The following ZBTB16 variants were observed in gnomAD, a reference collection of about 807,000 sequenced individuals.
ZBTB16 encodes the protein zinc finger and BTB domain containing 16.
A neutral mutation model predicts 56.8 loss-of-function variants in ZBTB16; 8 were observed. The observed-to-expected ratio is 0.14, with a 90% CI of 0.08 to 0.25. The LOEUF (loss-of-function observed/expected upper bound fraction) is 0.25. Among genes scored for constraint, ZBTB16 ranks in the 10% least tolerant of loss-of-function variants. The pLI, the probability that ZBTB16 is intolerant of heterozygous loss-of-function variation, is 1.00. For synonymous variants in ZBTB16, 363 were observed against 368.5 expected, an observed-to-expected ratio of 0.98 and a Z score of 0.17; for missense variants, 625 against 903.0, an observed-to-expected ratio of 0.69 and a Z score of 3.95.
chr11:114,068,244 G>T (rs897689), intron 2 of ZBTB16, among the ~76,000 whole-genome samples: 10 of 151,898 alleles, frequency 6.6e-5, no homozygotes, highest in African/African-American at 1.9e-4. Flanking sequence ...TTCTTGGGGT[G>T]GGGGGGCAGA....
intron 2 of ZBTB16, among the ~76,000 whole-genome samples, chr11:114,074,034 T>A (rs574098658): frequency 9.6e-4 from 146 of 152,342 alleles, no homozygotes; most frequent in Middle Eastern, 6.8e-3. Flanking sequence ...ACTTCACCTC[T>A]GTGAAGCAGC....
chr11:114,249,238 C>A (rs573765530), intron 6 of ZBTB16, among the ~76,000 whole-genome samples: 13 of 151,978 alleles, frequency 8.6e-5, no homozygotes, highest in African/African-American at 3.1e-4. Flanking sequence ...GCAGGCAGAT[C>A]ACTTGAAGTC....
At chr11:114,179,582 A>G (rs1842916850) in intron 3 of ZBTB16, among the ~76,000 whole-genome samples, 1 of 152,212 alleles carries the variant, frequency 6.6e-6, no homozygotes, top group Admixed American at 6.5e-5. Context: ...TAAAATCTCA[A>G]GGAATTTTGA....
chr11:114,091,358 AAAC>A (rs1015492093), intron 2 of ZBTB16, among the ~76,000 whole-genome samples: 2 of 151,908 alleles, frequency 1.3e-5, no homozygotes, highest in African/African-American at 4.8e-5. Flanking sequence ...AAACAAAACA[AAAC>A]AACAACAAAA....
chr11:114,157,450 C>T (rs958079764), intron 3 of ZBTB16, among the ~76,000 whole-genome samples: 4 of 152,158 alleles, frequency 2.6e-5, no homozygotes, highest in Non-Finnish European at 4.4e-5. Flanking sequence ...GTAGTAAGCC[C>T]CTGGCATACA....
At chr11:114,185,351 A>C (rs1313651879) in intron 3 of ZBTB16, among the ~76,000 whole-genome samples, 1 of 152,250 alleles carries the variant, frequency 6.6e-6, no homozygotes, top group Non-Finnish European at 1.5e-5. Context: ...TGGGATTCGA[A>C]CAGATGGAAG....
intron 4 of ZBTB16, among the ~76,000 whole-genome samples, chr11:114,226,141 A>C (rs901692987): frequency 6.6e-6 from 1 of 152,202 alleles, no homozygotes; most frequent in Non-Finnish European, 1.5e-5. Flanking sequence ...ATTCCTATAC[A>C]GAATTGGGAC....
rs188721965 is a variant in ZBTB16 at position 114,118,057 on chromosome 11, T to G, written c.1269-38280T>G. ...TAATCCTTGGGTGTAGAGGCACAAC[T>G]GACTTAATCACAGGACCCCAGGTGT... On this transcript the variant is annotated intron_variant, in intron 2 of 6. Coordinates refer to ENST00000335953, the MANE Select transcript of ZBTB16 (RefSeq NM_006006.6). Among the ~76,000 whole-genome samples, 10 of 152,328 alleles carry G rather than the reference T, an allele frequency of 6.6e-5. No homozygotes were observed. In the East Asian group the frequency reaches 1.4e-3, roughly 21 times the overall value.
At chr11:114,205,365 G>A (rs1398875818) in intron 4 of ZBTB16, among the ~76,000 whole-genome samples, 1 of 151,044 alleles carries the variant, frequency 6.6e-6, no homozygotes, top group Non-Finnish European at 1.5e-5. Flanking sequence ...AGCCGAGATC[G>A]CGCCACTGCA....
At chr11:114,195,501 C>T (rs1943584862) in intron 4 of ZBTB16, among the ~76,000 whole-genome samples, 1 of 152,152 alleles carries the variant, frequency 6.6e-6, no homozygotes, top group Non-Finnish European at 1.5e-5. Context: ...ATGGGATGAT[C>T]TCTAGAGGAC....
intron 6 of ZBTB16, among the ~76,000 whole-genome samples, chr11:114,247,903 A>AT (rs11417965): frequency 0.96 from 141,942 of 148,376 alleles, 68,039 homozygotes; most frequent in South Asian, 0.99. Flanking sequence ...GTGCCTTCAC[A>AT]TTTTTTTTTT....
In ZBTB16 at chr11:114,250,929, G is replaced by A. The variant is rs1415779965; in HGVS notation, c.*374G>A. ...GAGGTCCTCTGGTCAGAGCCACACG[G>A]TCTGTGCCGGCCTTCCTCCACCAAG... On this transcript the variant is annotated 3_prime_UTR_variant, in exon 7 of 7. Transcript: ENST00000335953. This position sits in a 1 kb window ranked among gnomAD's most constrained non-coding sequence, Gnocchi z 6.0. 1.3e-5 allele frequency among the ~76,000 whole-genome samples: 2 copies of A among 152,206 alleles called. No homozygotes were observed. Among genetic ancestry groups the A allele is most frequent in the African/African-American group, 4.8e-5 (2 of 41,452 alleles).
At chr11:114,115,771 C>T (rs552859929) in intron 2 of ZBTB16, among the ~76,000 whole-genome samples, 134 of 152,314 alleles carry the variant, frequency 8.8e-4, no homozygotes, top group African/African-American at 2.9e-3. Context: ...CCTCCGCTGA[C>T]GGCCCGCTAA....
chr11:114,234,759 A>AAGATGCAGAC (rs1326417071), intron 4 of ZBTB16, among the ~76,000 whole-genome samples: 1 of 152,140 alleles, frequency 6.6e-6, no homozygotes, highest in Non-Finnish European at 1.5e-5. Flanking sequence ...CCATCCTTTT[A>AAGATGCAGAC]AGATGCAGAC....
intron 4 of ZBTB16, among the ~76,000 whole-genome samples, chr11:114,191,175 T>C (rs606925): frequency 0.59 from 89,583 of 151,920 alleles, 26,956 homozygotes; most frequent in African/African-American, 0.69. Flanking sequence ...CCACCAGGCC[T>C]CACCTCCAGC....
rs146341252 is a variant in ZBTB16, at chr11:114,191,230, C to G, written c.1453+4192C>G. Among the ~76,000 whole-genome samples the G allele has an allele frequency of 4.0e-4, 61 of 152,212 alleles. No homozygotes were observed. The East Asian group carries it at 0.011, about 28-fold the overall frequency. ...CATGAGATTTGGACAGGACAAATATCCAAACTATATTACACCATATAATAA... is the reference window on the plus strand; with the variant it reads ...CATGAGATTTGGACAGGACAAATATGCAAACTATATTACACCATATAATAA... On this transcript the variant is annotated intron_variant, in intron 4 of 6. Coordinates refer to ENST00000335953, the MANE Select transcript of ZBTB16 (RefSeq NM_006006.6).
At chr11:114,190,730 T>TAC (rs746167648) in intron 4 of ZBTB16, among the ~76,000 whole-genome samples, 1,544 of 143,564 alleles carry the variant, frequency 0.011, 8 homozygotes, top group African/African-American at 0.016. Context: ...CTCTCTCTCA[T>TAC]ACACACACAC....
chr11:114,111,856 A>T (rs1408341859), intron 2 of ZBTB16, among the ~76,000 whole-genome samples: 1 of 152,194 alleles, frequency 6.6e-6, no homozygotes, highest in Non-Finnish European at 1.5e-5. Flanking sequence ...GAATTTATTT[A>T]TCTTGAATGT....
At chr11:114,160,459 G>A (rs979433579) in intron 3 of ZBTB16, among the ~76,000 whole-genome samples, 1 of 152,016 alleles carries the variant, frequency 6.6e-6, no homozygotes, top group Non-Finnish European at 1.5e-5. Context: ...CCTATCACGC[G>A]AAATCAGCCT....
Sources: gnomAD v4.1 joint callset for allele counts (sites outside exome capture counted in the v4.1 genomes callset) on GRCh38, gnomAD v4.1.1 for gene constraint, Gnocchi (gnomAD v3.1) non-coding constraint, MANE v1.5 for transcripts, NCBI Gene and HGNC (gene_info 2026-07-23, HGNC 2026-07-21) for gene names.